The following NME7 variants were observed in gnomAD, a reference collection of about 807,000 sequenced individuals.
The protein encoded by NME7 is NME/NM23 family member 7.
In NME7, 41 loss-of-function variants were observed where a neutral mutation model predicts 49.1. That is an observed-to-expected ratio of 0.83 (90% CI 0.65 to 1.08). NME7 has a LOEUF of 1.08. NME7 is among the 50% of genes least tolerant of loss of function. The probability of loss-of-function intolerance (pLI) is 0.00; values close to 1 mark genes in which losing one functional copy is unlikely to be tolerated. For missense variants in NME7, 423 were observed against 463.4 expected (o/e 0.91, Z 0.80); for synonymous variants, 139 against 150.6 (o/e 0.92, Z 0.56).
intron 10 of NME7, among the ~76,000 whole-genome samples, chr1:169,184,185 T>C (rs961984688): frequency 1.2e-4 from 18 of 152,292 alleles, no homozygotes; most frequent in African/African-American, 3.9e-4. Context: ...CATTCTCTTC[T>C]AGGCTATCTG....
chr1:169,349,536 A>G (rs1050180172), intron 1 of NME7, among the ~76,000 whole-genome samples: 1 of 152,204 alleles, frequency 6.6e-6, no homozygotes, highest in Non-Finnish European at 1.5e-5. Context: ...AAATTACATA[A>G]CAGTATCTTA....
intron 3 of NME7, among the ~76,000 whole-genome samples, chr1:169,318,651 G>A (rs546457244): frequency 5.1e-4 from 77 of 152,214 alleles, no homozygotes; most frequent in African/African-American, 1.7e-3. Context: ...AAATCTACAT[G>A]GAAACGTTCA....
intron 7 of NME7, among the ~76,000 whole-genome samples, chr1:169,249,465 C>T (rs1648466726): frequency 6.6e-6 from 1 of 151,982 alleles, no homozygotes; most frequent in African/African-American, 2.4e-5. Context: ...AATTTGGATG[C>T]CCTTTGTTTC....
At chr1:169,146,908 C>T (rs1658772478) in intron 11 of NME7, among the ~76,000 whole-genome samples, 1 of 152,168 alleles carries the variant, frequency 6.6e-6, no homozygotes, top group Non-Finnish European at 1.5e-5. Context: ...TGATTTTGTT[C>T]CTCATATGAC....
chr1:169,270,570 T>C (rs1649458268), intron 7 of NME7, among the ~76,000 whole-genome samples: 1 of 134,288 alleles, frequency 7.4e-6, no homozygotes, highest in African/African-American at 2.5e-5. Flanking sequence ...ACTATTACTT[T>C]GTTACAAGAC....
intron 7 of NME7, among the ~76,000 whole-genome samples, chr1:169,271,349 T>C (rs1215057899): frequency 7.5e-6 from 1 of 133,780 alleles, no homozygotes; most frequent in African/African-American, 2.5e-5. Context: ...ACCCCAACAA[T>C]AGAGTACTCA....
intron 11 of NME7, among the ~76,000 whole-genome samples, chr1:169,164,046 G>C (rs549309669): frequency 1.5e-4 from 23 of 151,250 alleles, no homozygotes; most frequent in African/African-American, 4.9e-4. Flanking sequence ...GGAAGCAGAG[G>C]TTGCAGTGAG....
rs140121399 is a variant in NME7 at position 169,237,856 on chromosome 1, CT to C, written c.755-170del. Among the ~76,000 whole-genome samples, 260 of 152,118 alleles carry C rather than the reference CT, an allele frequency of 1.7e-3. 7 individuals are homozygous for C. In the East Asian group the frequency reaches 0.039, roughly 23 times the overall value. ...AAATCCCTAATACTGAGCATTAAAT[CT>C]AATCATTTGATTTCCTTTGTAAGTG... On this transcript the variant is annotated intron_variant, in intron 7 of 11. Transcript: ENST00000367811.
intron 1 of NME7, among the ~76,000 whole-genome samples, chr1:169,331,116 A>G (rs1652239316): frequency 6.6e-6 from 1 of 152,228 alleles, no homozygotes; most frequent in Non-Finnish European, 1.5e-5. Flanking sequence ...ATCATTCATT[A>G]TGACCGAGTG....
Position 169,329,887 on chromosome 1 carries a change from G to C in NME7, c.4-5387C>G, listed in dbSNP as rs544060222. Among the ~76,000 whole-genome samples, 4 of 152,156 alleles carry C rather than the reference G, an allele frequency of 2.6e-5. No homozygotes were observed. In the South Asian group the frequency reaches 6.2e-4, roughly 24 times the overall value. Reference sequence around the variant, plus strand: ...TTAATCCAAAGAAGACCACCTCAAGGCATTTAATAATCTAACTCTCAAAGG... The same window carrying C: ...TTAATCCAAAGAAGACCACCTCAAGCCATTTAATAATCTAACTCTCAAAGG... On this transcript the variant is annotated intron_variant, in intron 1 of 11. Coordinates refer to ENST00000367811, the MANE Select transcript of NME7 (RefSeq NM_013330.5).
At chr1:169,137,862 G>A (rs1043503888) in intron 11 of NME7, among the ~76,000 whole-genome samples, 1 of 152,178 alleles carries the variant, frequency 6.6e-6, no homozygotes, top group Admixed American at 6.5e-5. Flanking sequence ...TATTGTTGTA[G>A]CTATAGAACC....
intron 7 of NME7, among the ~76,000 whole-genome samples, chr1:169,258,425 T>C (rs192151356): frequency 0.067 from 5,891 of 87,970 alleles, 828 homozygotes; most frequent in African/African-American, 0.21. Context: ...CACACACACA[T>C]ACACACACAC....
intron 1 of NME7, among the ~76,000 whole-genome samples, chr1:169,332,706 A>T (rs1475463666): frequency 6.6e-6 from 1 of 152,212 alleles, no homozygotes; most frequent in African/African-American, 2.4e-5. Flanking sequence ...AATGGAAAAT[A>T]AGCATATGAA....
At chr1:169,311,793 T>C (rs1200240067) in intron 3 of NME7, among the ~76,000 whole-genome samples, 1 of 152,198 alleles carries the variant, frequency 6.6e-6, no homozygotes, top group African/African-American at 2.4e-5. Flanking sequence ...GTGAAAAGTC[T>C]AAAATTGACA....
chr1:169,287,925 CTG>C (rs1650340954), intron 6 of NME7, among the ~76,000 whole-genome samples: 1 of 152,028 alleles, frequency 6.6e-6, no homozygotes, highest in African/African-American at 2.4e-5. Flanking sequence ...CAGATTCAGG[CTG>C]TGTTATTCAC....
chr1:169,133,121 A>G (rs1658300442), intron 11 of NME7, among the ~76,000 whole-genome samples: 1 of 152,214 alleles, frequency 6.6e-6, no homozygotes, highest in African/African-American at 2.4e-5. Flanking sequence ...TTCAGTTTTT[A>G]AAAAATGAGG....
At chr1:169,168,452 G>A (rs796408981) in intron 11 of NME7, among the ~76,000 whole-genome samples, 14 of 152,056 alleles carry the variant, frequency 9.2e-5, no homozygotes, top group African/African-American at 3.4e-4. Flanking sequence ...GCAAAGTCTC[G>A]CTATGATGTC....
At chr1:169,161,792 A>G (rs1425884942) in intron 11 of NME7, among the ~76,000 whole-genome samples, 2 of 152,132 alleles carry the variant, frequency 1.3e-5, no homozygotes, top group African/African-American at 2.4e-5. Flanking sequence ...AAAAGCCACA[A>G]TATTAATATT....
At chr1:169,136,156 T>C (rs1658423316) in intron 11 of NME7, among the ~76,000 whole-genome samples, 1 of 152,128 alleles carries the variant, frequency 6.6e-6, no homozygotes, top group African/African-American at 2.4e-5. Flanking sequence ...GGTCTGTCTT[T>C]TGGAGTGCTT....
Sources: allele counts gnomAD v4.1 joint callset (sites outside exome capture counted in the v4.1 genomes callset), GRCh38; gene constraint gnomAD v4.1.1; transcripts MANE v1.5; gene names NCBI Gene and HGNC (gene_info 2026-07-23, HGNC 2026-07-21).